FRMD3: variants seen among roughly 807,000 people sequenced by gnomAD.
The protein encoded by FRMD3 is FERM domain containing 3, also known as FERM domain-containing protein 3.
Under a neutral mutation model 70.2 loss-of-function variants are expected in FRMD3, and 33 were observed. That is an observed-to-expected ratio of 0.47 (90% confidence interval 0.36 to 0.63). The LOEUF is 0.63. FRMD3 is among the 20% of genes least tolerant of loss of function. The probability of loss-of-function intolerance (pLI) is 0.00; values close to 1 mark genes in which losing one functional copy is unlikely to be tolerated. For synonymous variants in FRMD3, 279 were observed against 255.9 expected (o/e 1.09, Z -0.86); for missense variants, 632 against 711.4 (o/e 0.89, Z 1.27).
chr9:83,247,012 T>G lies in FRMD3; in HGVS notation c.*906A>C, dbSNP rs927833329. ...TTGATATGCAACTGACTAGCACATC[T>G]GTTACCTTTTTTCCTTTAAACTCTC... is the stretch of plus-strand genomic sequence containing the variant. On this transcript the variant is annotated 3_prime_UTR_variant, in exon 14 of 14. Transcript: ENST00000304195. 2.0e-6 allele frequency: 2 copies of G among 985,448 alleles called. No individual in the cohort carries two copies. Among genetic ancestry groups the G allele is most frequent in the Non-Finnish European group, 2.4e-6 (2 of 829,938 alleles). The allele number at this position is 985,448 out of a possible 1,614,324, so 61.0% of individuals were successfully genotyped here.
intron 13 of FRMD3, among the ~76,000 whole-genome samples, chr9:83,269,832 A>G (rs577236232): frequency 1.3e-5 from 2 of 152,270 alleles, no homozygotes; most frequent in East Asian, 3.9e-4. Context: ...CCCCTCTTAA[A>G]CCTGCTCTCA....
chr9:83,377,162 G>A (rs1825175699), intron 2 of FRMD3, among the ~76,000 whole-genome samples: 1 of 152,124 alleles, frequency 6.6e-6, no homozygotes, highest in Non-Finnish European at 1.5e-5. Context: ...GAAAGTTTGG[G>A]AGGCTTTGAA....
chr9:83,460,544 C>T (rs906573285), intron 1 of FRMD3, among the ~76,000 whole-genome samples: 1 of 152,162 alleles, frequency 6.6e-6, no homozygotes, highest in Non-Finnish European at 1.5e-5. Context: ...AGCAAGATCC[C>T]TTGTGTCCTG....
At chr9:83,548,930 A>G in the FRMD3 span, among the ~76,000 whole-genome samples, 1 of 152,118 alleles carries the variant, frequency 6.6e-6, no homozygotes, top group Non-Finnish European at 1.5e-5. Flanking sequence ...AGTATTTACA[A>G]CTAATTGATC....
the FRMD3 span, among the ~76,000 whole-genome samples, chr9:83,574,708 T>C: frequency 1.3e-5 from 2 of 152,162 alleles, no homozygotes; most frequent in Non-Finnish European, 2.9e-5. Flanking sequence ...CACTGGCTGA[T>C]TGTCTCTGTA....
At chr9:83,324,131 G>A (rs1258221513) in intron 6 of FRMD3, among the ~76,000 whole-genome samples, 2 of 152,176 alleles carry the variant, frequency 1.3e-5, no homozygotes, top group African/African-American at 2.4e-5. Flanking sequence ...AAGACCTATG[G>A]CTGTATGTAT....
At chr9:83,366,987 C>G (rs142677527) in intron 3 of FRMD3, among the ~76,000 whole-genome samples, 1 of 152,148 alleles carries the variant, frequency 6.6e-6, no homozygotes, top group Non-Finnish European at 1.5e-5. Flanking sequence ...GAGCCAAGAT[C>G]ATGCCACTGC....
chr9:83,510,278 A>T (rs562520710), intron 1 of FRMD3, among the ~76,000 whole-genome samples: 7 of 152,352 alleles, frequency 4.6e-5, no homozygotes, highest in African/African-American at 1.7e-4. Flanking sequence ...TGCAGATGGA[A>T]GTTATCAGGG....
intron 6 of FRMD3, among the ~76,000 whole-genome samples, chr9:83,325,523 C>T (rs191535118): frequency 6.6e-6 from 1 of 151,908 alleles, no homozygotes; most frequent in East Asian, 1.9e-4. Context: ...CAGGATTTCA[C>T]CATGTTGCCC....
intron 2 of FRMD3, among the ~76,000 whole-genome samples, chr9:83,388,597 A>T (rs1247770597): frequency 6.6e-6 from 1 of 152,170 alleles, no homozygotes; most frequent in Non-Finnish European, 1.5e-5. Context: ...GCTACACTGA[A>T]CACACCTAGG....
intron 1 of FRMD3, among the ~76,000 whole-genome samples, chr9:83,484,276 T>C (rs529962319): frequency 6.6e-6 from 1 of 152,344 alleles, no homozygotes; most frequent in Admixed American, 6.5e-5. Context: ...TCCTTGCCAA[T>C]ATATAGAATA....
At chr9:83,299,334 A>G in intron 10 of FRMD3, 148 bp from the exon 11 acceptor site, 1 of 573,278 alleles carries the variant, frequency 1.7e-6, no homozygotes, top group Non-Finnish European at 3.1e-6. Flanking sequence ...CACAAAATAT[A>G]AGAAAAGCTT....
the FRMD3 span, among the ~76,000 whole-genome samples, chr9:83,567,703 C>T: frequency 0.79 from 120,264 of 152,112 alleles, 48,032 homozygotes; most frequent in African/African-American, 0.9. Flanking sequence ...ATGCAGCCAG[C>T]CTCTTTGCTA....
chr9:83,582,723 G>A, the FRMD3 span, among the ~76,000 whole-genome samples: 1 of 152,160 alleles, frequency 6.6e-6, no homozygotes, highest in African/African-American at 2.4e-5. Context: ...ATATTGGTGA[G>A]ATGCTATATT....
At position 83,498,780 on chromosome 9, in the gene FRMD3, G is replaced by A. The variant is rs1828999724; in HGVS notation, c.147+39305C>T. Among the ~76,000 whole-genome samples the A allele has an allele frequency of 2.0e-5, 3 of 151,868 alleles. No homozygotes were observed. The South Asian group carries it at 6.3e-4, about 32-fold the overall frequency. On this transcript the variant is annotated intron_variant, in intron 1 of 13. Coordinates refer to ENST00000304195, the MANE Select transcript of FRMD3 (RefSeq NM_174938.6). ...AACATATAATCAAAGAAAAAACAGTGTATTTTCCACTCAAAACAGCTCTTA... is the reference window on the plus strand; with the variant it reads ...AACATATAATCAAAGAAAAAACAGTATATTTTCCACTCAAAACAGCTCTTA...
chr9:83,290,671 T>C lies in FRMD3; in HGVS notation c.1127A>G (p.Asn376Ser), dbSNP rs754732127. The change falls in exon 13 of 14, where the codon AAC becomes AGC. Residue 376 changes from asparagine to serine, a missense_variant. By Grantham distance (46) the Asn-to-Ser change is conservative. This residue lies in a region of FRMD3 where 418 missense variants were observed against 442.1 expected (regional missense o/e 0.95). Transcript: ENST00000304195. ...SHSLNKQLII[N>S]MEPLQPLLPS... ...AAGCAGGGGCTGCAGGGGTTCCATG[T>C]TAATGATGAGCTGTTTGTTCAAGGA... 42 of 1,613,992 alleles carry C rather than the reference T, an allele frequency of 2.6e-5. No homozygotes were observed. Among genetic ancestry groups the C allele is most frequent in the Non-Finnish European group, 3.5e-5 (41 of 1,179,934 alleles).
At chr9:83,394,054 T>C (rs1406809371) in intron 1 of FRMD3, among the ~76,000 whole-genome samples, 2 of 151,810 alleles carry the variant, frequency 1.3e-5, no homozygotes, top group Non-Finnish European at 2.9e-5. Flanking sequence ...TGATCTAAAC[T>C]GTGCCACCAG....
intron 1 of FRMD3, among the ~76,000 whole-genome samples, chr9:83,485,506 A>C (rs1430034338): frequency 6.6e-6 from 1 of 152,196 alleles, no homozygotes; most frequent in East Asian, 1.9e-4. Flanking sequence ...CTGGTCATTA[A>C]ATTCTGAACA....
At chr9:83,443,331 C>T (rs1253611932) in intron 1 of FRMD3, among the ~76,000 whole-genome samples, 4 of 152,156 alleles carry the variant, frequency 2.6e-5, no homozygotes, top group Non-Finnish European at 4.4e-5. Flanking sequence ...TGATGTACCC[C>T]GCCCTGTATC....
Sources: gnomAD v4.1 joint callset for allele counts (sites outside exome capture counted in the v4.1 genomes callset) on GRCh38, gnomAD v4.1.1 for gene constraint, gnomAD v4.1.1 regional missense constraint, MANE v1.5 for transcripts, NCBI Gene and HGNC (gene_info 2026-07-23, HGNC 2026-07-21) for gene names.